The following SPRY3 variants were observed in gnomAD, a reference collection of about 807,000 sequenced individuals.
SPRY3 encodes protein sprouty homolog 3.
Under a neutral mutation model 20.2 loss-of-function variants are expected in SPRY3, and 15 were observed. The ratio of observed to expected loss-of-function variants is 0.74; its 90% confidence interval spans 0.50 to 1.14. The LOEUF (loss-of-function observed/expected upper bound fraction) is 1.14. Among genes scored for constraint, SPRY3 ranks in the 50% most tolerant of loss-of-function variants. The pLI, the probability that SPRY3 is intolerant of heterozygous loss-of-function variation, is 0.00. For missense variants in SPRY3, 364 were observed against 363.9 expected, an observed-to-expected ratio of 1.00 and a Z score of 0.00; for synonymous variants, 143 against 136.5, an observed-to-expected ratio of 1.05 and a Z score of -0.33.
chrX:155,777,877 A>G (rs1003866276), downstream of SPRY3: 3 of 166,532 alleles, frequency 1.8e-5, no homozygotes, highest in African/African-American at 7.3e-5. Context: ...GATACATTTC[A>G]TATGATATCA....
intron 1 of SPRY3, among the ~76,000 whole-genome samples, chrX:155,654,935 C>T (rs782047694): frequency 2.2e-4 from 25 of 111,236 alleles, no homozygotes; most frequent in Non-Finnish European, 4.3e-4. Context: ...CTTTGAGAAT[C>T]CCCACACTGT....
chrX:155,721,679 A>AG (rs970954070), intron 2 of SPRY3, among the ~76,000 whole-genome samples: 1 of 151,854 alleles, frequency 6.6e-6, no homozygotes, highest in African/African-American at 2.4e-5. Flanking sequence ...AAAAAAAAAA[A>AG]CTTTATCCTA....
chrX:155,705,228 A>G (rs1331412385), intron 2 of SPRY3, among the ~76,000 whole-genome samples: 1 of 151,564 alleles, frequency 6.6e-6, no homozygotes, highest in Non-Finnish European at 1.5e-5. Flanking sequence ...CAAAAGCACA[A>G]TGGATGGGAG....
At chrX:155,725,290 G>C (rs1364504844) in intron 2 of SPRY3, among the ~76,000 whole-genome samples, 1 of 152,056 alleles carries the variant, frequency 6.6e-6, no homozygotes, top group Non-Finnish European at 1.5e-5. Context: ...CTTTTTTGTT[G>C]TGCCTCTGCC....
At chrX:155,739,613 G>A (rs917471500) in intron 2 of SPRY3, among the ~76,000 whole-genome samples, 9 of 152,126 alleles carry the variant, frequency 5.9e-5, no homozygotes, top group East Asian at 3.9e-4. Flanking sequence ...AGAAGGAGCC[G>A]GCTGCCATCT....
In SPRY3 at chrX:155,648,050, G is replaced by C. The variant is rs782680150; in HGVS notation, c.-440-8817G>C. 9.8e-5 allele frequency among the ~76,000 whole-genome samples: 11 copies of C among 112,371 alleles called. No individual in the cohort carries two copies. The East Asian group carries it at 3.1e-3, about 32-fold the overall frequency. On this transcript the variant is annotated intron_variant, in intron 1 of 3. Transcript: ENST00000675360. ...TGGTTTTGATTTGTATTTCTCTAAT[G>C]AGTAGTGATGATGAGCTTTTTTTAT...
At chrX:155,752,518 T>C (rs1329226612) in intron 2 of SPRY3, among the ~76,000 whole-genome samples, 2 of 151,642 alleles carry the variant, frequency 1.3e-5, no homozygotes, top group African/African-American at 4.8e-5. Flanking sequence ...TGTCTTGATA[T>C]ATATATATAT....
At chrX:155,758,991 T>G (rs2091293867) in intron 2 of SPRY3, among the ~76,000 whole-genome samples, 1 of 152,140 alleles carries the variant, frequency 6.6e-6, no homozygotes, top group Non-Finnish European at 1.5e-5. Context: ...CCTCTTAGAA[T>G]GGTTTAGAAA....
chrX:155,693,713 T>A (rs111332691), intron 2 of SPRY3, among the ~76,000 whole-genome samples: 3,102 of 112,353 alleles, frequency 0.028, 52 homozygotes, highest in Non-Finnish European at 0.043. Context: ...TCTTTGTATC[T>A]TTAAGTTTAA....
At chrX:155,741,578 G>A (rs1455617184) in intron 2 of SPRY3, among the ~76,000 whole-genome samples, 1 of 151,842 alleles carries the variant, frequency 6.6e-6, no homozygotes, top group Non-Finnish European at 1.5e-5. Context: ...CAAAATGAGA[G>A]AAAAAATGTA....
intron 2 of SPRY3, among the ~76,000 whole-genome samples, chrX:155,693,739 G>A (rs2068110299): frequency 8.9e-6 from 1 of 111,894 alleles, no homozygotes. Context: ...GCCATTTTGA[G>A]GCAGGATATA....
At chrX:155,740,979 G>T (rs1020951244) in intron 2 of SPRY3, among the ~76,000 whole-genome samples, 3 of 152,078 alleles carry the variant, frequency 2.0e-5, no homozygotes, top group Non-Finnish European at 4.4e-5. Flanking sequence ...TCAGCCGGCC[G>T]ACACTTATGG....
At chrX:155,639,381 G>A (rs191165006) in intron 1 of SPRY3, among the ~76,000 whole-genome samples, 76 of 111,058 alleles carry the variant, frequency 6.8e-4, no homozygotes, top group Non-Finnish European at 1.3e-3. Flanking sequence ...ACTTAACATG[G>A]GATCTACCCT....
At chrX:155,718,103 G>A (rs1602960345) in intron 2 of SPRY3, among the ~76,000 whole-genome samples, 1 of 152,192 alleles carries the variant, frequency 6.6e-6, no homozygotes, top group South Asian at 2.1e-4. Context: ...ATAAATAATT[G>A]CTTCTCTATT....
At chrX:155,656,599 A>G (rs1179389475) in intron 1 of SPRY3, among the ~76,000 whole-genome samples, 1 of 111,097 alleles carries the variant, frequency 9.0e-6, no homozygotes, top group Admixed American at 9.6e-5. Context: ...ACTTCTGTCA[A>G]TTCGTCAAAC....
At chrX:155,623,655 C>G (rs2067878435) in intron 1 of SPRY3, among the ~76,000 whole-genome samples, 1 of 111,911 alleles carries the variant, frequency 8.9e-6, no homozygotes, top group Non-Finnish European at 1.9e-5. Context: ...CTGAATTTTT[C>G]ATGTTTTAGT....
chrX:155,732,747 C>T (rs765666165), intron 2 of SPRY3, among the ~76,000 whole-genome samples: 1 of 152,058 alleles, frequency 6.6e-6, no homozygotes, highest in Admixed American at 6.6e-5. Flanking sequence ...TTGGAAGGAA[C>T]CCAAAATGTT....
chrX:155,708,447 G>A (rs2090965445), intron 2 of SPRY3, among the ~76,000 whole-genome samples: 1 of 151,224 alleles, frequency 6.6e-6, no homozygotes. Context: ...TATTTTCTTT[G>A]CCTTTGTTAC....
Position 155,708,509 on chromosome X carries a change from T to C in SPRY3, c.-282+51484T>C, listed in dbSNP as rs754645599. Among the ~76,000 whole-genome samples, 47 of 151,550 alleles carry C rather than the reference T, an allele frequency of 3.1e-4. No individual in the cohort carries two copies. The South Asian group carries it at 9.3e-3, about 30-fold the overall frequency. On this transcript the variant is annotated intron_variant, in intron 2 of 3. Transcript: ENST00000675360. ...GGTGTGGCTGTTTGTATTTATCTTATATGGCATTTGCTGAGCTTCTTTGAC... is the reference window on the plus strand; with the variant it reads ...GGTGTGGCTGTTTGTATTTATCTTACATGGCATTTGCTGAGCTTCTTTGAC...
Sources: allele counts gnomAD v4.1 joint callset (sites outside exome capture counted in the v4.1 genomes callset), GRCh38; gene constraint gnomAD v4.1.1; transcripts MANE v1.5; gene names NCBI Gene and HGNC (gene_info 2026-07-23, HGNC 2026-07-21).